SBNO2: variants seen among roughly 807,000 people sequenced by gnomAD.
SBNO2 encodes the protein protein strawberry notch homolog 2.
SBNO2 carries 89 observed loss-of-function variants against 146.3 expected under a neutral mutation model. The ratio of observed to expected loss-of-function variants is 0.61; its 90% CI spans 0.51 to 0.73. The LOEUF (loss-of-function observed/expected upper bound fraction) is 0.73, where lower values mean the gene tolerates loss of function less well. SBNO2 is among the 30% of genes least tolerant of loss of function. The pLI is 0.00. For synonymous variants in SBNO2, 1,147 were observed against 892.6 expected, an observed-to-expected ratio of 1.29 and a Z score of -5.08; for missense variants, 2,092 against 2,003.7, an observed-to-expected ratio of 1.04 and a Z score of -0.84.
At chr19:1,129,726 C>T (rs1177753491) in intron 4 of SBNO2, among the ~76,000 whole-genome samples, 1 of 152,216 alleles carries the variant, frequency 6.6e-6, no homozygotes, top group African/African-American at 2.4e-5. Context: ...AAGGCCCCAG[C>T]CAGGAGCGGG....
rs763603501 is a variant in SBNO2, at chr19:1,110,335, G to A, written c.3028+410C>T. ...CCTTTCGTTCACAACAATGTAGCAG[G>A]TGCCCCGTGAAGCCTGGGGATGAGC... On this transcript the variant is annotated intron_variant, in intron 26 of 31. Transcript: ENST00000361757. The surrounding 1 kb of genome is among the most constrained non-coding windows in gnomAD (Gnocchi z 4.9). 2.3e-4 allele frequency among the ~76,000 whole-genome samples: 35 copies of A among 152,278 alleles called. No homozygotes were observed. The highest frequency in any genetic ancestry group is 6.8e-3 in the Middle Eastern group (2 of 294).
At chr19:1,139,099 T>C (rs78284792) in intron 4 of SBNO2, among the ~76,000 whole-genome samples, 111 of 152,316 alleles carry the variant, frequency 7.3e-4, no homozygotes, top group African/African-American at 2.6e-3. Context: ...GGGTCCTGCA[T>C]GCGTCCATCA....
intron 4 of SBNO2, among the ~76,000 whole-genome samples, chr19:1,146,352 G>A (rs1049101731): frequency 1.3e-5 from 2 of 152,134 alleles, no homozygotes; most frequent in Admixed American, 6.5e-5. Flanking sequence ...CGAGCTGTTT[G>A]CAGGGCCTGG....
At chr19:1,149,290 G>T in intron 3 of SBNO2, 79 bp downstream of exon 3, 2 of 1,362,008 alleles carry the variant, frequency 1.5e-6, no homozygotes, top group Non-Finnish European at 2.0e-6. Flanking sequence ...CTCGCGCCCT[G>T]CACCCAGAAC....
intron 19 of SBNO2, 111 bp downstream of exon 19, chr19:1,113,424 G>C (rs866352315): frequency 1.0e-6 from 1 of 1,002,450 alleles, no homozygotes; most frequent in African/African-American, 1.7e-5. Context: ...GCAGGGCCGC[G>C]GAGACGCAGA....
rs1820701577 is a variant in SBNO2 at position 1,144,924 on chromosome 19, A to AGAGG, written c.279+2384_279+2385insCCTC. 1.3e-5 allele frequency among the ~76,000 whole-genome samples: 2 copies of AGAGG among 150,818 alleles called. No individual in the cohort carries two copies. The highest frequency in any genetic ancestry group is 2.0e-4 in the East Asian group (1 of 5,094). ...GAGGCGGAGATGGAGACAGAGACAG[A>AGAGG]GAGACAGAGACAGAGAGGGAGACAG... On this transcript the variant is annotated intron_variant, in intron 4 of 31. Coordinates refer to ENST00000361757, the MANE Select transcript of SBNO2 (RefSeq NM_014963.3). The surrounding 1 kb of genome is among the most constrained non-coding windows in gnomAD (Gnocchi z 4.1).
At position 1,158,433 on chromosome 19, in the gene SBNO2, G is replaced by C. The variant is rs529796128; in HGVS notation, c.-126-4031C>G. ...GCAGCTCAGGCCACGCTGTGCCCAC[G>C]TTCGCGACGGCAAAGCGGAGACCCT... On this transcript the variant is annotated intron_variant, in intron 1 of 31. Transcript: ENST00000361757. This position sits in a 1 kb window ranked among gnomAD's most constrained non-coding sequence, Gnocchi z 9.9. Among the ~76,000 whole-genome samples the C allele has an allele frequency of 7.4e-4, 113 of 152,250 alleles. 2 individuals carry two copies. In the South Asian group the frequency reaches 0.023, roughly 31 times the overall value.
chr19:1,167,164 G>A (rs2080434003), intron 1 of SBNO2, among the ~76,000 whole-genome samples: 1 of 152,268 alleles, frequency 6.6e-6, no homozygotes, highest in Non-Finnish European at 1.5e-5. Context: ...TACGCACCCT[G>A]TCCTGACAAT....
chr19:1,163,494 G>A (rs1373933149), intron 1 of SBNO2, among the ~76,000 whole-genome samples: 1 of 152,216 alleles, frequency 6.6e-6, no homozygotes. Flanking sequence ...CTCGTCCAGG[G>A]AGGAGGCTGC....
intron 4 of SBNO2, among the ~76,000 whole-genome samples, chr19:1,141,353 T>A (rs2080135592): frequency 6.6e-6 from 1 of 152,024 alleles, no homozygotes; most frequent in Admixed American, 6.6e-5. Context: ...TAGCTGGGAT[T>A]ACAGGTGCCC....
chr19:1,117,540 C>T (rs1445093634), intron 14 of SBNO2, 41 bp from the exon 15 acceptor site: 1 of 1,521,486 alleles, frequency 6.6e-7, no homozygotes, highest in African/African-American at 1.4e-5. Context: ...GCTGTGGCTC[C>T]TGGCTCCCGA....
In SBNO2 at chr19:1,150,702, C is replaced by T. The variant is rs574323350; in HGVS notation, c.94-1260G>A. 2.0e-5 allele frequency among the ~76,000 whole-genome samples: 3 copies of T among 152,268 alleles called. No homozygotes were observed. Among genetic ancestry groups the T allele is most frequent in the African/African-American group, 7.2e-5 (3 of 41,556 alleles). On this transcript the variant is annotated intron_variant, in intron 2 of 31. Transcript: ENST00000361757. This position sits in a 1 kb window ranked among gnomAD's most constrained non-coding sequence, Gnocchi z 6.2. ...CCCCCAGTGACCTCTCCCAGGCCCA[C>T]GTGAGCCCTGCTCCTCTATGAGGCC...
At chr19:1,163,979 CCT>C (rs2080376122) in intron 1 of SBNO2, among the ~76,000 whole-genome samples, 1 of 152,216 alleles carries the variant, frequency 6.6e-6, no homozygotes. Flanking sequence ...GACTCAGCGC[CCT>C]GAGGACGGGG....
chr19:1,148,002 G>A (rs2080210466), intron 3 of SBNO2, among the ~76,000 whole-genome samples: 1 of 152,046 alleles, frequency 6.6e-6, no homozygotes, highest in Admixed American at 6.5e-5. Context: ...TGGCTGGCAG[G>A]GAGGCTTCTC....
rs1253908392 is a variant in SBNO2, at chr19:1,140,140, AAC to A, written c.279+7167_279+7168del. Among the ~76,000 whole-genome samples the A allele has an allele frequency of 1.3e-5, 2 of 151,796 alleles. No individual in the cohort carries two copies. The highest frequency in any genetic ancestry group is 4.8e-5 in the African/African-American group (2 of 41,374). ...CGGTGAAACCCCGTGTCCACTAAAA[AAC>A]ACAAAAAATTAGCTGGGCGTGGTGG... On this transcript the variant is annotated intron_variant, in intron 4 of 31. Transcript: ENST00000361757. The surrounding 1 kb of genome is among the most constrained non-coding windows in gnomAD (Gnocchi z 4.4).
Position 1,118,324 on chromosome 19 carries a change from G to A in SBNO2, c.1527+687C>T, listed in dbSNP as rs189614156. ...TTGCACTCCAGCCTGGGCAACAAGA[G>A]TGGAAACCCCGTCTCAAAAAATAAA... is the stretch of plus-strand genomic sequence containing the variant. On this transcript the variant is annotated intron_variant, in intron 14 of 31. Transcript: ENST00000361757. Among the ~76,000 whole-genome samples, 43 of 151,940 alleles carry A rather than the reference G, an allele frequency of 2.8e-4. 1 individual carries two copies. Among genetic ancestry groups the A allele is most frequent in the Middle Eastern group, 6.8e-3 (2 of 294 alleles).
chr19:1,119,501 G>T lies in SBNO2; in HGVS notation c.1373+15C>A, dbSNP rs376970778. The stretch of plus-strand genomic sequence containing the variant: ...CCCCCCGCCGCCCCTCCACGTGGGT[G>T]AGAAGGGCACTCACCTCTTCTCGAT... On this transcript the variant is annotated intron_variant, in intron 13 of 31. Transcript: ENST00000361757. 6 of 1,571,606 alleles carry T rather than the reference G, an allele frequency of 3.8e-6. No individual in the cohort carries two copies. Among genetic ancestry groups the T allele is most frequent in the East Asian group, 2.3e-5 (1 of 43,472 alleles).
intron 3 of SBNO2, among the ~76,000 whole-genome samples, chr19:1,148,333 T>C (rs2080213682): frequency 3.3e-5 from 5 of 151,906 alleles, no homozygotes; most frequent in Admixed American, 3.3e-4. Flanking sequence ...CTCCACAATC[T>C]CCTGGAGTCT....
chr19:1,108,720 C>T lies in SBNO2; in HGVS notation c.3617-16G>A, dbSNP rs1423191213. On this transcript the variant is annotated splice_polypyrimidine_tract_variant and intron_variant, in intron 31 of 31. Coordinates refer to ENST00000361757, the MANE Select transcript of SBNO2 (RefSeq NM_014963.3). ...ATCTTGATGCCTGCGGGCAGAGCGT[C>T]GGGGTCAGGGCCGGCGCTGGGGGCT... The T allele has an allele frequency of 7.0e-6, 11 of 1,565,946 alleles. No homozygotes were observed. Among genetic ancestry groups the T allele is most frequent in the Admixed American group, 1.8e-5 (1 of 55,272 alleles).
Sources: allele counts gnomAD v4.1 joint callset (sites outside exome capture counted in the v4.1 genomes callset), GRCh38; gene constraint gnomAD v4.1.1; non-coding constraint Gnocchi (gnomAD v3.1); transcripts MANE v1.5; gene names NCBI Gene and HGNC (gene_info 2026-07-23, HGNC 2026-07-21).